The following C13orf42 variants were observed in gnomAD, a reference collection of about 807,000 sequenced individuals.
The protein encoded by C13orf42 is chromosome 13 open reading frame 42.
chr13:51,141,126 GTGTGTGTGTGTGTA>G (rs1953693212), intron 1 of C13orf42, among the ~76,000 whole-genome samples: 1 of 149,470 alleles, frequency 6.7e-6, no homozygotes, highest in African/African-American at 2.5e-5. Flanking sequence ...GTGTGTGTGT[GTGTGTGTGTGTGTA>G]TGCATGTTTG....
At chr13:51,123,656 T>G (rs143313190) in intron 1 of C13orf42, among the ~76,000 whole-genome samples, 6 of 152,208 alleles carry the variant, frequency 3.9e-5, no homozygotes, top group Non-Finnish European at 5.9e-5. Flanking sequence ...TTCTACATAG[T>G]TCAATCTGCC....
In C13orf42 at chr13:51,125,017, T is replaced by C. The variant is rs925374930; in HGVS notation, n.137-11795A>G. Among the ~76,000 whole-genome samples, 5 of 152,220 alleles carry C rather than the reference T, an allele frequency of 3.3e-5. No individual in the cohort carries two copies. In the East Asian group the frequency reaches 7.7e-4, roughly 23 times the overall value. On this transcript the variant is annotated intron_variant and non_coding_transcript_variant, in intron 1 of 4. Transcript: ENST00000433280. ...ATTTACTCTGTAAGCAAGCCCTCTATGTAAGGTTTACTAGTGTTTTTCTTC... is the reference window on the plus strand; with the variant it reads ...ATTTACTCTGTAAGCAAGCCCTCTACGTAAGGTTTACTAGTGTTTTTCTTC...
intron 1 of C13orf42, among the ~76,000 whole-genome samples, chr13:51,149,484 T>C (rs1216960712): frequency 6.6e-6 from 1 of 152,124 alleles, no homozygotes; most frequent in African/African-American, 2.4e-5. Flanking sequence ...TTTTGAACAA[T>C]GCTGTAACTG....
At chr13:51,136,066 C>T (rs2138025863) in intron 1 of C13orf42, among the ~76,000 whole-genome samples, 1 of 152,252 alleles carries the variant, frequency 6.6e-6, no homozygotes, top group South Asian at 2.1e-4. Flanking sequence ...TCCCATCCAT[C>T]CGCAAACTTC....
At chr13:51,111,931 C>T (rs1953439296), upstream of C13orf42, among the ~76,000 whole-genome samples, 1 of 152,174 alleles carries the variant, frequency 6.6e-6, no homozygotes. Flanking sequence ...ATTGTGGAGG[C>T]AGGAGGAGGA....
At chr13:51,104,661 T>C (rs1364055005) in intron 1 of C13orf42, among the ~76,000 whole-genome samples, 1 of 151,786 alleles carries the variant, frequency 6.6e-6, no homozygotes, top group Non-Finnish European at 1.5e-5. Flanking sequence ...GTAATGAAAA[T>C]GTTTCCAAAT....
intron 1 of C13orf42, among the ~76,000 whole-genome samples, chr13:51,171,349 A>G (rs920094317): frequency 2.0e-5 from 3 of 152,148 alleles, no homozygotes; most frequent in African/African-American, 7.2e-5. Flanking sequence ...AAAATAGGCA[A>G]ACGGTCTGAG....
intron 1 of C13orf42, among the ~76,000 whole-genome samples, chr13:51,157,384 A>C (rs1430150633): frequency 6.6e-6 from 1 of 152,192 alleles, no homozygotes; most frequent in African/African-American, 2.4e-5. Flanking sequence ...CAGTGAGCTG[A>C]GATTGTGCCA....
intron 1 of C13orf42, among the ~76,000 whole-genome samples, chr13:51,106,109 G>A (rs1953352842): frequency 6.6e-6 from 1 of 152,190 alleles, no homozygotes; most frequent in South Asian, 2.1e-4. Context: ...ATATTTCAAT[G>A]CTACAGAGAC....
chr13:51,125,971 C>T (rs1953573665), intron 1 of C13orf42, among the ~76,000 whole-genome samples: 1 of 152,166 alleles, frequency 6.6e-6, no homozygotes, highest in Non-Finnish European at 1.5e-5. Context: ...GGTCCTGCTC[C>T]GTGTGAATAG....
intron 1 of C13orf42, among the ~76,000 whole-genome samples, chr13:51,167,704 CATTT>C (rs1953913211): frequency 6.6e-6 from 1 of 152,076 alleles, no homozygotes; most frequent in African/African-American, 2.4e-5. Context: ...CTCAGGGCTC[CATTT>C]ATTTATTTTT....
intron 1 of C13orf42, among the ~76,000 whole-genome samples, chr13:51,102,178 C>T (rs918766967): frequency 9.9e-5 from 15 of 152,172 alleles, no homozygotes; most frequent in Non-Finnish European, 1.5e-5. Context: ...GACAGCTCCC[C>T]AGCCCCCGCC....
At chr13:51,084,385 AG>A in intron 3 of C13orf42, 60 bp from the exon 4 acceptor site, 1 of 398,100 alleles carries the variant, frequency 2.5e-6, no homozygotes, top group Non-Finnish European at 4.4e-6. Flanking sequence ...CACAGAGGGA[AG>A]GGATGCTCAA....
At position 51,166,148 on chromosome 13, in the gene C13orf42, C is replaced by T. The variant is rs73488051; in HGVS notation, n.136+6105G>A. Among the ~76,000 whole-genome samples, 847 of 152,288 alleles carry T rather than the reference C, an allele frequency of 5.6e-3. 12 individuals carry two copies. The highest frequency in any genetic ancestry group is 0.019 in the African/African-American group (808 of 41,558). ...AAATTAATCTGCTTTAATGAACTTA[C>T]TTTCTGGTGGTAAGGTTCAAATAAG... is the stretch of plus-strand genomic sequence containing the variant. On this transcript the variant is annotated intron_variant and non_coding_transcript_variant, in intron 1 of 4. Transcript: ENST00000433280.
chr13:51,149,775 C>A (rs1953765809), intron 1 of C13orf42, among the ~76,000 whole-genome samples: 1 of 152,184 alleles, frequency 6.6e-6, no homozygotes, highest in Non-Finnish European at 1.5e-5. Flanking sequence ...TATTTCTCTT[C>A]ATCATCAATA....
chr13:51,159,680 G>C (rs1267145600), intron 1 of C13orf42, among the ~76,000 whole-genome samples: 1 of 152,168 alleles, frequency 6.6e-6, no homozygotes, highest in East Asian at 1.9e-4. Context: ...CGAAGGACAT[G>C]GAGTCTCACT....
chr13:51,139,297 G>C (rs1953680457), intron 1 of C13orf42, among the ~76,000 whole-genome samples: 1 of 152,120 alleles, frequency 6.6e-6, no homozygotes, highest in African/African-American at 2.4e-5. Context: ...CCTGGGCAAT[G>C]AGTGAGATTC....
At chr13:51,129,688 T>C (rs1953601198) in intron 1 of C13orf42, among the ~76,000 whole-genome samples, 1 of 152,166 alleles carries the variant, frequency 6.6e-6, no homozygotes, top group Non-Finnish European at 1.5e-5. Context: ...CTATAAAGTT[T>C]TGGTTAATAG....
At chr13:51,170,390 G>A (rs1953938678) in intron 1 of C13orf42, among the ~76,000 whole-genome samples, 1 of 152,132 alleles carries the variant, frequency 6.6e-6, no homozygotes, top group Non-Finnish European at 1.5e-5. Flanking sequence ...TTTGCTCCGT[G>A]AGAAACATCC....
Sources: allele counts gnomAD v4.1 joint callset (sites outside exome capture counted in the v4.1 genomes callset), GRCh38; gene constraint gnomAD v4.1.1; transcripts MANE v1.5; gene names NCBI Gene and HGNC (gene_info 2026-07-23, HGNC 2026-07-21).